The following EDARADD variants were observed in gnomAD, a reference collection of about 807,000 sequenced individuals.
The protein encoded by EDARADD is EDAR associated via death domain.
A neutral mutation model predicts 25.6 loss-of-function variants in EDARADD; 20 were observed. That is an observed-to-expected ratio of 0.78 (90% CI 0.55 to 1.14). The LOEUF (loss-of-function observed/expected upper bound fraction) is 1.14, where lower values mean the gene tolerates loss of function less well. Ranked by LOEUF, EDARADD falls within the 50% of genes most tolerant of loss-of-function variation. The probability of loss-of-function intolerance (pLI) is 0.00; values close to 1 mark genes in which losing one functional copy is unlikely to be tolerated. For missense variants in EDARADD, 225 were observed against 270.1 expected (o/e 0.83, Z 1.17); for synonymous variants, 86 against 94.4 (o/e 0.91, Z 0.52).
At position 236,363,862 on chromosome 1, in the gene EDARADD, T is replaced by C. The variant is rs1335098806; in HGVS notation, c.-6+13023T>C. 2.0e-5 allele frequency among the ~76,000 whole-genome samples: 3 copies of C among 151,914 alleles called. No individual in the cohort carries two copies. In the East Asian group the frequency reaches 5.9e-4, roughly 30 times the overall value. ...AACCATGAGCCAAGTGAACCTCTTT[T>C]CTTTATAAATTACCCAGTCTTGGCC... On this transcript the variant is annotated intron_variant, in intron 3 of 7. Transcript: ENST00000439430.
chr1:236,484,429 A>T lies in EDARADD; in HGVS notation c.*1780A>T. The T allele has an allele frequency of 6.2e-7, 1 of 1,610,524 alleles. No individual in the cohort carries two copies. ...GAAGAGGAGCTGGGCAGCAAGGCTA[A>T]GTTTGCCGGCAGGAACTTCAGAAAC... On this transcript the variant is annotated 3_prime_UTR_variant, in exon 6 of 6. Coordinates refer to ENST00000334232, the MANE Select transcript of EDARADD (RefSeq NM_145861.4). This position sits in a 1 kb window ranked among gnomAD's most constrained non-coding sequence, Gnocchi z 4.1.
At chr1:236,411,634 T>C (rs1248674651) in intron 2 of EDARADD, among the ~76,000 whole-genome samples, 1 of 151,792 alleles carries the variant, frequency 6.6e-6, no homozygotes, top group Non-Finnish European at 1.5e-5. Context: ...CTGCAACCTC[T>C]GCCTCCCAGG....
chr1:236,460,329 C>T (rs777108712), intron 4 of EDARADD, among the ~76,000 whole-genome samples: 5 of 151,762 alleles, frequency 3.3e-5, no homozygotes, highest in Non-Finnish European at 7.4e-5. Flanking sequence ...GGACTACAGG[C>T]GCTCACCACA....
chr1:236,395,719 G>C lies in EDARADD; in HGVS notation c.61+1214G>C, dbSNP rs1380745433. ...GCGAGCACCGCGGGGCGGGAGCTCG[G>C]GAGGCGCTCGCAGCAGCCGCAGGGC... On this transcript the variant is annotated intron_variant, in intron 1 of 5. Transcript: ENST00000334232. This position sits in a 1 kb window ranked among gnomAD's most constrained non-coding sequence, Gnocchi z 6.9. The C allele has an allele frequency of 1.3e-6, 2 of 1,524,172 alleles. No individual in the cohort carries two copies. Among genetic ancestry groups the C allele is most frequent in the Non-Finnish European group, 1.8e-6 (2 of 1,141,712 alleles). 94.4% of individuals were successfully genotyped at this position (1,524,172 alleles called of 1,614,324 possible).
chr1:236,377,142 A>G (rs1010378247), intron 3 of EDARADD, among the ~76,000 whole-genome samples: 1 of 142,308 alleles, frequency 7.0e-6, no homozygotes, highest in Admixed American at 7.0e-5. Flanking sequence ...TATATGTTAT[A>G]TATTTTGTTT....
At chr1:236,469,859 G>A (rs923703116) in intron 5 of EDARADD, among the ~76,000 whole-genome samples, 18 of 151,860 alleles carry the variant, frequency 1.2e-4, no homozygotes, top group African/African-American at 3.9e-4. Context: ...GCAATGGTGC[G>A]CCACCACGCC....
At chr1:236,400,865 G>C (rs1667601657) in intron 1 of EDARADD, among the ~76,000 whole-genome samples, 1 of 151,456 alleles carries the variant, frequency 6.6e-6, no homozygotes, top group Non-Finnish European at 1.5e-5. Context: ...CCACCTCCAA[G>C]CCTTTTTTAT....
Position 236,395,391 on chromosome 1 carries a change from G to C in EDARADD, c.61+886G>C. ...CGCGCCTCTGGAGGGAGGTACCGAG[G>C]GACGCGCAGCGAAGGGGCTTTGCTA... On this transcript the variant is annotated intron_variant, in intron 1 of 5. Transcript: ENST00000334232. This position sits in a 1 kb window ranked among gnomAD's most constrained non-coding sequence, Gnocchi z 6.9. 1 of 1,403,636 alleles carries C rather than the reference G, an allele frequency of 7.1e-7. No individual in the cohort carries two copies. The highest frequency in any genetic ancestry group is 9.3e-7 in the Non-Finnish European group (1 of 1,077,208). The allele number at this position is 1,403,636 out of a possible 1,614,324, so 86.9% of individuals were successfully genotyped here. A position where few individuals can be genotyped will look rare whatever the true frequency, so the allele number is the denominator to read the frequency against.
chr1:236,396,590 A>G (rs1191621814), intron 1 of EDARADD, among the ~76,000 whole-genome samples: 1 of 152,090 alleles, frequency 6.6e-6, no homozygotes, highest in Non-Finnish European at 1.5e-5. Flanking sequence ...AGTCAAAAGG[A>G]GACAGTGTGT....
At chr1:236,460,904 C>T (rs780250092) in intron 4 of EDARADD, among the ~76,000 whole-genome samples, 11 of 151,974 alleles carry the variant, frequency 7.2e-5, no homozygotes, top group Non-Finnish European at 1.3e-4. Context: ...CTCACTACAA[C>T]CTCTGCCGCC....
chr1:236,359,614 G>A (rs1416334808), intron 3 of EDARADD, among the ~76,000 whole-genome samples: 1 of 152,194 alleles, frequency 6.6e-6, no homozygotes, highest in African/African-American at 2.4e-5. Flanking sequence ...CCAGTGGCTG[G>A]GGAAGCCTCA....
chr1:236,478,241 A>T (rs1659562864), intron 5 of EDARADD, among the ~76,000 whole-genome samples: 1 of 152,128 alleles, frequency 6.6e-6, no homozygotes, highest in African/African-American at 2.4e-5. Flanking sequence ...ATTAGTGGTG[A>T]GATGATTAAA....
intron 4 of EDARADD, among the ~76,000 whole-genome samples, chr1:236,465,744 G>A (rs114613944): frequency 1.9e-4 from 29 of 152,136 alleles, no homozygotes; most frequent in African/African-American, 6.0e-4. Flanking sequence ...TCAATAAATC[G>A]GTGTTGAATA....
At chr1:236,360,942 A>G (rs1286308709) in intron 3 of EDARADD, among the ~76,000 whole-genome samples, 5 of 152,188 alleles carry the variant, frequency 3.3e-5, no homozygotes, top group African/African-American at 1.2e-4. Flanking sequence ...GGCAGCCAAC[A>G]TTAAGGACAC....
chr1:236,378,790 T>A (rs572040239), intron 3 of EDARADD, among the ~76,000 whole-genome samples: 6 of 152,238 alleles, frequency 3.9e-5, no homozygotes, highest in Non-Finnish European at 8.8e-5. Context: ...TATTTATCTC[T>A]GAAGTATTTA....
intron 4 of EDARADD, among the ~76,000 whole-genome samples, chr1:236,460,523 G>A (rs4659455): frequency 0.14 from 21,444 of 152,038 alleles, 1,559 homozygotes; most frequent in Non-Finnish European, 0.14. Context: ...GGAGTATACT[G>A]TCAAATAATA....
upstream of EDARADD, among the ~76,000 whole-genome samples, chr1:236,393,210 C>T (rs77297003): frequency 3.3e-5 from 5 of 152,170 alleles, no homozygotes; most frequent in East Asian, 1.9e-4. Context: ...CGAAATCCAG[C>T]ATATTTGACT....
intron 3 of EDARADD, among the ~76,000 whole-genome samples, chr1:236,374,526 A>T (rs999288035): frequency 6.6e-6 from 1 of 152,116 alleles, no homozygotes; most frequent in Admixed American, 6.6e-5. Flanking sequence ...CCACAATAGT[A>T]GATTCATTTA....
chr1:236,366,357 G>A (rs1667112215), intron 3 of EDARADD, among the ~76,000 whole-genome samples: 1 of 152,170 alleles, frequency 6.6e-6, no homozygotes, highest in African/African-American at 2.4e-5. Context: ...ACCTTTTTGA[G>A]CATGCTACTC....
Sources: gnomAD v4.1 joint callset for allele counts (sites outside exome capture counted in the v4.1 genomes callset) on GRCh38, gnomAD v4.1.1 for gene constraint, Gnocchi (gnomAD v3.1) non-coding constraint, MANE v1.5 for transcripts, NCBI Gene and HGNC (gene_info 2026-07-23, HGNC 2026-07-21) for gene names.